Variants in CHD1L observed in about 807,000 individuals in gnomAD.
CHD1L encodes chromodomain helicase DNA binding protein 1 like.
A neutral mutation model predicts 115.9 loss-of-function variants in CHD1L; 118 were observed. That is an observed-to-expected ratio of 1.02 (90% confidence interval 0.88 to 1.19). The LOEUF (loss-of-function observed/expected upper bound fraction) is 1.19, where lower values mean the gene tolerates loss of function less well. Among genes scored for constraint, CHD1L ranks in the 50% most tolerant of loss-of-function variants. CHD1L has a pLI of 0.00. For synonymous variants in CHD1L, 411 were observed against 387.1 expected, an observed-to-expected ratio of 1.06 and a Z score of -0.72; for missense variants, 1,179 against 1,065.3, an observed-to-expected ratio of 1.11 and a Z score of -1.49.
chr1:147,295,157 TCA>T (rs1343620708), intron 22 of CHD1L, among the ~76,000 whole-genome samples: 3 of 152,220 alleles, frequency 2.0e-5, no homozygotes, highest in African/African-American at 7.2e-5. Flanking sequence ...TGAAATTCAC[TCA>T]GTGATGGTCT....
chr1:147,173,692 CTG>C, the CHD1L span: 1 of 152,200 alleles, frequency 6.6e-6, no homozygotes, highest in African/African-American at 2.4e-5. Context: ...GTTTATCACT[CTG>C]TGTTACACAG....
intron 10 of CHD1L, among the ~76,000 whole-genome samples, chr1:147,270,466 C>T (rs917490924): frequency 6.6e-6 from 1 of 152,044 alleles, no homozygotes. Context: ...CCAAACAGGG[C>T]ATAGTTGTAG....
At chr1:147,186,069 G>A in the CHD1L span, among the ~76,000 whole-genome samples, 2 of 152,194 alleles carry the variant, frequency 1.3e-5, no homozygotes, top group Non-Finnish European at 2.9e-5. Context: ...AATCACATTT[G>A]TAGACCACAC....
At chr1:147,193,941 T>G in the CHD1L span, among the ~76,000 whole-genome samples, 3 of 152,072 alleles carry the variant, frequency 2.0e-5, no homozygotes, top group Admixed American at 2.0e-4. Flanking sequence ...GTGATCAATT[T>G]TGCAATAGGT....
the CHD1L span, chr1:147,205,044 T>C: frequency 1.5e-6 from 1 of 679,838 alleles, no homozygotes; most frequent in Middle Eastern, 3.9e-4. Context: ...CCATCTTTGC[T>C]ATATAGTCCA....
intron 1 of CHD1L, chr1:147,243,051 G>A (rs1394005649): frequency 2.4e-6 from 1 of 424,166 alleles, no homozygotes; most frequent in Non-Finnish European, 3.8e-6. Context: ...CCAGATGAAT[G>A]AGGTCGCGGG....
intron 11 of CHD1L, among the ~76,000 whole-genome samples, 192 bp from the exon 12 acceptor site, chr1:147,271,979 T>C (rs1209572130): frequency 6.6e-6 from 1 of 152,220 alleles, no homozygotes; most frequent in Non-Finnish European, 1.5e-5. Flanking sequence ...GAGTATGTTA[T>C]GGTGAGTTAT....
At position 147,256,566 on chromosome 1, in the gene CHD1L, A is replaced by C. The variant is rs782089874; in HGVS notation, c.494+4A>C. The C allele has an allele frequency of 6.2e-7, 1 of 1,612,914 alleles. No homozygotes were observed. The highest frequency in any genetic ancestry group is 8.5e-7 in the Non-Finnish European group (1 of 1,179,016). On this transcript the variant is annotated splice_donor_region_variant and intron_variant, in intron 5 of 22. Coordinates refer to ENST00000369258, the MANE Select transcript of CHD1L (RefSeq NM_004284.6). ...AAGATGCATCATTTCTAAAATCGTGAGTAGGTTGTACTATTTAAGAACTTG... is the reference window on the plus strand; with the variant it reads ...AAGATGCATCATTTCTAAAATCGTGCGTAGGTTGTACTATTTAAGAACTTG...
chr1:147,212,479 C>A, the CHD1L span: 3 of 1,612,748 alleles, frequency 1.9e-6, no homozygotes, highest in African/African-American at 4.0e-5. Context: ...CCAGTGAATC[C>A]CTCTGGGTTC....
At chr1:147,280,333 C>T in intron 15 of CHD1L, 142 bp downstream of exon 15, 1 of 827,314 alleles carries the variant, frequency 1.2e-6, no homozygotes, top group Non-Finnish European at 1.7e-6. Flanking sequence ...CTGTTTAAGA[C>T]TTGCTTGATA....
At chr1:147,293,084 T>A (rs587618206) in intron 20 of CHD1L, among the ~76,000 whole-genome samples, 7 of 152,344 alleles carry the variant, frequency 4.6e-5, no homozygotes, top group Admixed American at 1.3e-4. Flanking sequence ...ATGTCTATGA[T>A]ATGACTGTGG....
chr1:147,278,287 C>T (rs1488271778), intron 14 of CHD1L, among the ~76,000 whole-genome samples: 6 of 121,888 alleles, frequency 4.9e-5, no homozygotes, highest in South Asian at 2.7e-4. Context: ...TGCAGTGGCG[C>T]GATCTCAGCT....
At chr1:147,224,929 C>A in the CHD1L span, 1 of 1,614,076 alleles carries the variant, frequency 6.2e-7, no homozygotes, top group Non-Finnish European at 8.5e-7. Context: ...GTCATCAGTC[C>A]TTTCAAAGCA....
intron 19 of CHD1L, among the ~76,000 whole-genome samples, chr1:147,288,563 C>G (rs970737372): frequency 1.3e-4 from 20 of 151,154 alleles, no homozygotes; most frequent in African/African-American, 4.9e-4. Context: ...TGCCTGTAAT[C>G]CCAGCTACTC....
the CHD1L span, among the ~76,000 whole-genome samples, chr1:147,231,860 C>G: frequency 6.6e-6 from 1 of 152,152 alleles, no homozygotes; most frequent in Non-Finnish European, 1.5e-5. Flanking sequence ...AAGGGAATTC[C>G]CTGACCTCCT....
At chr1:147,204,942 GCAGGAAGCCGTT>G in the CHD1L span, 1 of 1,526,428 alleles carries the variant, frequency 6.6e-7, no homozygotes, top group Non-Finnish European at 9.1e-7. Context: ...TGGCCAGCCT[GCAGGAAGCCGTT>G]CACGTGACCG....
At chr1:147,229,552 A>G in the CHD1L span, among the ~76,000 whole-genome samples, 1 of 152,174 alleles carries the variant, frequency 6.6e-6, no homozygotes, top group Non-Finnish European at 1.5e-5. Flanking sequence ...GAAGAAAGTC[A>G]TTGGTTGCTT....
At chr1:147,248,860 A>C (rs1257277840) in intron 1 of CHD1L, among the ~76,000 whole-genome samples, 1 of 152,174 alleles carries the variant, frequency 6.6e-6, no homozygotes, top group African/African-American at 2.4e-5. Flanking sequence ...CTGTATATCT[A>C]TCTTCCCTTT....
chr1:147,242,580 C>G (rs1553931476), upstream of CHD1L: 4 of 1,006,624 alleles, frequency 4.0e-6, no homozygotes, highest in African/African-American at 1.7e-5. Context: ...CTTGGCAGGA[C>G]GCGCCCTCTG....
Sources: allele counts gnomAD v4.1 joint callset (sites outside exome capture counted in the v4.1 genomes callset), GRCh38; gene constraint gnomAD v4.1.1; transcripts MANE v1.5; gene names NCBI Gene and HGNC (gene_info 2026-07-23, HGNC 2026-07-21).